Variants in LRRTM4 observed in about 807,000 individuals in gnomAD.
The protein encoded by LRRTM4 is leucine-rich repeat transmembrane neuronal protein 4.
Under a neutral mutation model 47.6 loss-of-function variants are expected in LRRTM4, and 25 were observed. The ratio of observed to expected loss-of-function variants is 0.53; its 90% CI spans 0.38 to 0.73. The LOEUF (loss-of-function observed/expected upper bound fraction) is 0.73. Ranked by LOEUF, LRRTM4 falls within the 30% of genes least tolerant of loss-of-function variation. The probability of loss-of-function intolerance (pLI) is 0.00; values close to 1 mark genes in which losing one functional copy is unlikely to be tolerated. For missense variants in LRRTM4, 638 were observed against 713.4 expected, an observed-to-expected ratio of 0.89 and a Z score of 1.20; for synonymous variants, 311 against 269.5, an observed-to-expected ratio of 1.15 and a Z score of -1.51.
At chr2:76,796,951 A>C (rs1280250156) in intron 3 of LRRTM4, among the ~76,000 whole-genome samples, 1 of 152,084 alleles carries the variant, frequency 6.6e-6, no homozygotes, top group Non-Finnish European at 1.5e-5. Context: ...GCCTCCAAGA[A>C]ATATGGGACT....
chr2:76,895,268 G>A (rs1285100596), intron 3 of LRRTM4, among the ~76,000 whole-genome samples: 2 of 151,932 alleles, frequency 1.3e-5, no homozygotes, highest in Non-Finnish European at 1.5e-5. Context: ...ATTCAAATAA[G>A]CTTCATAAAT....
At chr2:76,801,397 A>G (rs1442712739) in intron 3 of LRRTM4, among the ~76,000 whole-genome samples, 1 of 152,138 alleles carries the variant, frequency 6.6e-6, no homozygotes, top group African/African-American at 2.4e-5. Context: ...CATCATTCTC[A>G]GTAAACTATC....
rs376521908 is a variant in LRRTM4, at chr2:77,101,393, A to C, written c.1552-352477T>G. Reference sequence around the variant, plus strand: ...ATCAAAACAGAGTGCGTACATACAAAATGAGGGGGGTGAAGATTAAGCAAC... The same window carrying C: ...ATCAAAACAGAGTGCGTACATACAACATGAGGGGGGTGAAGATTAAGCAAC... On this transcript the variant is annotated intron_variant, in intron 3 of 3. Transcript: ENST00000409884. Among the ~76,000 whole-genome samples the C allele has an allele frequency of 3.3e-5, 5 of 152,144 alleles. No individual in the cohort carries two copies. In the South Asian group the frequency reaches 1.0e-3, roughly 31 times the overall value.
chr2:77,135,323 T>C (rs1671905717), intron 3 of LRRTM4, among the ~76,000 whole-genome samples: 1 of 152,222 alleles, frequency 6.6e-6, no homozygotes, highest in African/African-American at 2.4e-5. Context: ...ACATTCATTA[T>C]GTTAAATGGC....
intron 3 of LRRTM4, among the ~76,000 whole-genome samples, chr2:77,184,441 T>G (rs2103864042): frequency 6.6e-6 from 1 of 152,196 alleles, no homozygotes; most frequent in East Asian, 1.9e-4. Flanking sequence ...GAGTACCGAT[T>G]CCCTATAAAA....
At chr2:76,993,193 T>C (rs1452364976) in intron 3 of LRRTM4, among the ~76,000 whole-genome samples, 1 of 151,942 alleles carries the variant, frequency 6.6e-6, no homozygotes, top group African/African-American at 2.4e-5. Flanking sequence ...GGAACTACCA[T>C]TCAGGACATC....
Position 76,828,772 on chromosome 2 carries a change from T to G in LRRTM4, c.1552-79856A>C, listed in dbSNP as rs566900329. Among the ~76,000 whole-genome samples, 6 of 152,020 alleles carry G rather than the reference T, an allele frequency of 3.9e-5. No homozygotes were observed. The East Asian group carries it at 1.2e-3, about 29-fold the overall frequency. ...ATTCATCTTCTGTCTCCCAGCTTCT[T>G]TTCACTCAGTAGCTGTACAAAAGCC... On this transcript the variant is annotated intron_variant, in intron 3 of 3. Transcript: ENST00000409884.
intron 3 of LRRTM4, among the ~76,000 whole-genome samples, chr2:76,777,180 A>G (rs575203836): frequency 1.3e-5 from 2 of 150,878 alleles, no homozygotes; most frequent in African/African-American, 4.9e-5. Context: ...TATAGTTTGA[A>G]GTCAGGGAGT....
At chr2:76,955,228 A>G (rs1256804315) in intron 3 of LRRTM4, among the ~76,000 whole-genome samples, 1 of 151,890 alleles carries the variant, frequency 6.6e-6, no homozygotes, top group Non-Finnish European at 1.5e-5. Flanking sequence ...TTAATTCTGA[A>G]GTAGGAGTTA....
intron 3 of LRRTM4, among the ~76,000 whole-genome samples, chr2:77,309,241 T>C (rs925683320): frequency 1.3e-5 from 2 of 152,076 alleles, no homozygotes; most frequent in African/African-American, 4.8e-5. Context: ...AAAAACCAAA[T>C]GGACAGGTCT....
chr2:77,233,278 T>C (rs183969193), intron 3 of LRRTM4, among the ~76,000 whole-genome samples: 2 of 152,324 alleles, frequency 1.3e-5, no homozygotes, highest in African/African-American at 4.8e-5. Flanking sequence ...TAATCCTCTT[T>C]GGCATAGTCC....
At chr2:77,159,849 A>G (rs10195679) in intron 3 of LRRTM4, among the ~76,000 whole-genome samples, 7,474 of 152,196 alleles carry the variant, frequency 0.049, 596 homozygotes, top group African/African-American at 0.17. Flanking sequence ...TTCTTCCACC[A>G]TTTGCTTTAG....
intron 3 of LRRTM4, among the ~76,000 whole-genome samples, chr2:77,099,714 CTG>C (rs1670901801): frequency 6.6e-6 from 1 of 151,816 alleles, no homozygotes; most frequent in Admixed American, 6.6e-5. Flanking sequence ...GTGTGAATGT[CTG>C]TTTATGTGGA....
At chr2:76,818,774 ATAT>A (rs1341839021) in intron 3 of LRRTM4, among the ~76,000 whole-genome samples, 1 of 151,704 alleles carries the variant, frequency 6.6e-6, no homozygotes, top group Non-Finnish European at 1.5e-5. Context: ...TTTCCTACTA[ATAT>A]TATTCAAAAA....
chr2:76,952,189 G>T (rs2103889169), intron 3 of LRRTM4, among the ~76,000 whole-genome samples: 1 of 152,070 alleles, frequency 6.6e-6, no homozygotes, highest in African/African-American at 2.4e-5. Flanking sequence ...CATATTGACA[G>T]GGAAGAGATA....
At position 77,348,064 on chromosome 2, in the gene LRRTM4, TG is replaced by T. The variant is rs145102109; in HGVS notation, c.1551+170253del. On this transcript the variant is annotated intron_variant, in intron 3 of 3. Coordinates refer to ENST00000409884, the MANE Select transcript of LRRTM4 (RefSeq NM_001134745.3). ...ACACACACACATATTTACTTATATA[TG>T]TTTTTTTATTTCCAAAGTTTCATAG... Among the ~76,000 whole-genome samples the T allele has an allele frequency of 1.4e-3, 212 of 151,946 alleles. 1 individual carries two copies. Among genetic ancestry groups the T allele is most frequent in the African/African-American group, 4.9e-3 (202 of 41,530 alleles).
At chr2:76,837,701 G>A (rs956955252) in intron 3 of LRRTM4, among the ~76,000 whole-genome samples, 1 of 152,204 alleles carries the variant, frequency 6.6e-6, no homozygotes, top group South Asian at 2.1e-4. Context: ...GTCCAACAAT[G>A]ATAGACTGGA....
chr2:77,306,159 T>C (rs1342647262), intron 3 of LRRTM4, among the ~76,000 whole-genome samples: 2 of 152,218 alleles, frequency 1.3e-5, no homozygotes, highest in South Asian at 2.1e-4. Context: ...TTTCTAATTA[T>C]ATACAGAAGA....
chr2:77,135,616 T>C (rs1005003135), intron 3 of LRRTM4, among the ~76,000 whole-genome samples: 1 of 152,236 alleles, frequency 6.6e-6, no homozygotes, highest in African/African-American at 2.4e-5. Context: ...TCATTTCATT[T>C]TACAAACTTC....
Sources: gnomAD v4.1 joint callset for allele counts (sites outside exome capture counted in the v4.1 genomes callset) on GRCh38, gnomAD v4.1.1 for gene constraint, MANE v1.5 for transcripts, NCBI Gene and HGNC (gene_info 2026-07-23, HGNC 2026-07-21) for gene names.